THRB: variants seen among roughly 807,000 people sequenced by gnomAD.
The protein encoded by THRB is thyroid hormone receptor beta.
A neutral mutation model predicts 47.8 loss-of-function variants in THRB; 12 were observed. The ratio of observed to expected loss-of-function variants is 0.25; its 90% confidence interval spans 0.16 to 0.41. THRB has a LOEUF of 0.41. Ranked by LOEUF, THRB falls within the 10% of genes least tolerant of loss-of-function variation. THRB has a pLI of 1.00. For missense variants in THRB, 348 were observed against 589.2 expected (o/e 0.59, Z 4.24); for synonymous variants, 218 against 212.2 (o/e 1.03, Z -0.24).
chr3:24,170,478 T>G (rs2040284350), intron 5 of THRB, among the ~76,000 whole-genome samples: 1 of 152,220 alleles, frequency 6.6e-6, no homozygotes, highest in Non-Finnish European at 1.5e-5. Flanking sequence ...AAACCTTCAG[T>G]GGCTTTGTAC....
At chr3:24,378,638 G>C (rs2065467926) in intron 1 of THRB, among the ~76,000 whole-genome samples, 1 of 152,114 alleles carries the variant, frequency 6.6e-6, no homozygotes, top group Admixed American at 6.6e-5. Flanking sequence ...CTTTAGAAGG[G>C]GAGCAGTTGA....
At chr3:24,463,107 T>C (rs2073839854) in intron 1 of THRB, among the ~76,000 whole-genome samples, 2 of 152,220 alleles carry the variant, frequency 1.3e-5, no homozygotes, top group African/African-American at 4.8e-5. Flanking sequence ...TTGTTTCCTC[T>C]AGCCAGGGCT....
intron 3 of THRB, among the ~76,000 whole-genome samples, chr3:24,243,560 G>T (rs1400501075): frequency 1.3e-5 from 2 of 152,066 alleles, no homozygotes; most frequent in African/African-American, 4.8e-5. Flanking sequence ...AACACCTGAA[G>T]TTCTCGGGAT....
At chr3:24,260,495 C>T (rs1040629074) in intron 3 of THRB, among the ~76,000 whole-genome samples, 9 of 152,220 alleles carry the variant, frequency 5.9e-5, no homozygotes, top group African/African-American at 2.2e-4. Context: ...GTTTATGAGA[C>T]AGTAGTCATT....
chr3:24,238,283 G>C (rs1397310663), intron 3 of THRB, among the ~76,000 whole-genome samples: 11 of 125,392 alleles, frequency 8.8e-5, no homozygotes, highest in Admixed American at 4.0e-4. Context: ...GTGTGTGGGG[G>C]GGGGGGGGGT....
chr3:24,236,390 G>A (rs960479331), intron 3 of THRB, among the ~76,000 whole-genome samples: 3 of 152,132 alleles, frequency 2.0e-5, no homozygotes, highest in African/African-American at 7.2e-5. Flanking sequence ...CAAAGCAATT[G>A]GAAAATGCCT....
chr3:24,374,357 TACATA>T (rs1435526370), intron 1 of THRB, among the ~76,000 whole-genome samples: 1 of 152,100 alleles, frequency 6.6e-6, no homozygotes, highest in African/African-American at 2.4e-5. Context: ...AATGCAAAAA[TACATA>T]GGAAGAGAAT....
intron 2 of THRB, among the ~76,000 whole-genome samples, chr3:24,312,228 C>T (rs889534512): frequency 6.6e-6 from 1 of 152,244 alleles, no homozygotes; most frequent in Non-Finnish European, 1.5e-5. Context: ...GTTCTCACGG[C>T]ACCTTGTAAA....
intron 1 of THRB, among the ~76,000 whole-genome samples, chr3:24,362,922 C>T (rs1039079384): frequency 2.0e-5 from 3 of 152,152 alleles, no homozygotes; most frequent in African/African-American, 7.2e-5. Flanking sequence ...GAAAATGATA[C>T]ATGTGACAAC....
At chr3:24,439,623 T>C (rs1286219044) in intron 1 of THRB, among the ~76,000 whole-genome samples, 2 of 152,202 alleles carry the variant, frequency 1.3e-5, no homozygotes. Flanking sequence ...TTTCTATTTG[T>C]ACATCTCAAG....
intron 1 of THRB, among the ~76,000 whole-genome samples, chr3:24,450,023 A>C (rs2072488219): frequency 6.6e-6 from 1 of 152,100 alleles, no homozygotes; most frequent in African/African-American, 2.4e-5. Context: ...GAAGGAAGAA[A>C]GGAGGGGAGT....
chr3:24,316,755 T>C (rs1156441619), intron 2 of THRB, among the ~76,000 whole-genome samples: 7 of 152,090 alleles, frequency 4.6e-5, no homozygotes, highest in African/African-American at 1.2e-4. Flanking sequence ...CAGCCCCAAG[T>C]ACCACCTTCC....
chr3:24,335,230 T>C (rs1197683340), intron 2 of THRB, among the ~76,000 whole-genome samples: 3 of 152,188 alleles, frequency 2.0e-5, no homozygotes, highest in Non-Finnish European at 2.9e-5. Flanking sequence ...GAATCAAATA[T>C]TGTCCTCTGA....
At chr3:24,387,717 A>G (rs1470020478) in intron 1 of THRB, among the ~76,000 whole-genome samples, 1 of 152,126 alleles carries the variant, frequency 6.6e-6, no homozygotes, top group Non-Finnish European at 1.5e-5. Flanking sequence ...TTGAAACTGT[A>G]TCCTTAGAAA....
At chr3:24,453,828 C>G (rs2072909485) in intron 1 of THRB, among the ~76,000 whole-genome samples, 1 of 152,106 alleles carries the variant, frequency 6.6e-6, no homozygotes, top group African/African-American at 2.4e-5. Context: ...TTAAACCCAG[C>G]AAATTCATTC....
At chr3:24,444,392 C>G (rs1404061926) in intron 1 of THRB, among the ~76,000 whole-genome samples, 1 of 152,044 alleles carries the variant, frequency 6.6e-6, no homozygotes, top group Non-Finnish European at 1.5e-5. Context: ...AAAACAGTAT[C>G]TTAAATAATC....
chr3:24,348,935 T>G (rs2063196926), intron 1 of THRB: 1 of 152,168 alleles, frequency 6.6e-6, no homozygotes. Flanking sequence ...GTGGTTATTC[T>G]TTGAAATCAT....
Position 24,391,868 on chromosome 3 carries a change from C to T in THRB, c.-260-54497G>A, listed in dbSNP as rs373052588. 9.9e-5 allele frequency among the ~76,000 whole-genome samples: 15 copies of T among 152,216 alleles called. No individual in the cohort carries two copies. In the South Asian group the frequency reaches 3.1e-3, roughly 32 times the overall value. On this transcript the variant is annotated intron_variant, in intron 1 of 10. Transcript: ENST00000646209. ...TACATGTACTAACTGACTTACTCTTCGTAGCGGTAATGGGAATTATTATGG... is the reference window on the plus strand; with the variant it reads ...TACATGTACTAACTGACTTACTCTTTGTAGCGGTAATGGGAATTATTATGG...
intron 1 of THRB, among the ~76,000 whole-genome samples, chr3:24,386,519 C>T (rs907883422): frequency 6.6e-6 from 1 of 152,084 alleles, no homozygotes; most frequent in Non-Finnish European, 1.5e-5. Context: ...AAGGAAACTA[C>T]GGTCTAACTT....
Sources: allele counts gnomAD v4.1 joint callset (sites outside exome capture counted in the v4.1 genomes callset), GRCh38; gene constraint gnomAD v4.1.1; transcripts MANE v1.5; gene names NCBI Gene and HGNC (gene_info 2026-07-23, HGNC 2026-07-21).